Variants in KNDC1 observed in about 807,000 individuals in gnomAD.
KNDC1 encodes the protein kinase non-catalytic C-lobe domain containing 1.
In KNDC1, 106 loss-of-function variants were observed where a neutral mutation model predicts 172.8. That is an observed-to-expected ratio of 0.61 (90% CI 0.52 to 0.72). KNDC1 has a LOEUF of 0.72. KNDC1 is among the 30% of genes least tolerant of loss of function. The probability of loss-of-function intolerance (pLI) is 0.00; values close to 1 mark genes in which losing one functional copy is unlikely to be tolerated. For synonymous variants in KNDC1, 1,083 were observed against 1,062.2 expected, an observed-to-expected ratio of 1.02 and a Z score of -0.38; for missense variants, 2,325 against 2,394.5, an observed-to-expected ratio of 0.97 and a Z score of 0.61.
At chr10:133,166,659 G>A (rs183539249) in intron 1 of KNDC1, among the ~76,000 whole-genome samples, 35 of 152,228 alleles carry the variant, frequency 2.3e-4, no homozygotes, top group East Asian at 5.8e-4. Context: ...CTGTGTTGGC[G>A]TGTGTCCATG....
intron 21 of KNDC1, 148 bp from the exon 22 acceptor site, chr10:133,211,274 C>A: frequency 2.9e-6 from 2 of 682,950 alleles, no homozygotes; most frequent in Non-Finnish European, 4.7e-6. Context: ...GGGGGAGGGA[C>A]CCACGGAAGA....
In KNDC1 at chr10:133,167,483, G is replaced by A. The variant is rs778646842; in HGVS notation, c.205G>A (p.Val69Met). ...GGAGTGCAGCCTGTCCATGCGGAGC[G>A]TGGCCCACGCCGCCATCTTCCAGAG... Reference protein sequence around the residue: ...CLECSLSMRSVAHAAIFQSLC... With the variant: ...CLECSLSMRSMAHAAIFQSLC... The change falls in exon 2 of 30, where the codon GTG becomes ATG. Residue 69 changes from valine to methionine, a missense_variant. By Grantham distance (21) the Val-to-Met change is conservative. Coordinates refer to ENST00000304613, the MANE Select transcript of KNDC1 (RefSeq NM_152643.8). 8 of 1,606,260 alleles carry A rather than the reference G, an allele frequency of 5.0e-6. No individual in the cohort carries two copies. The highest frequency in any genetic ancestry group is 1.7e-5 in the Admixed American group (1 of 59,156).
chr10:133,161,747 G>A (rs1391857243), intron 1 of KNDC1, among the ~76,000 whole-genome samples: 1 of 152,120 alleles, frequency 6.6e-6, no homozygotes, highest in South Asian at 2.1e-4. Context: ...GAGAGGGAGG[G>A]GCAGCCCGCA....
intron 17 of KNDC1, among the ~76,000 whole-genome samples, chr10:133,203,252 G>C (rs1854430916): frequency 6.9e-6 from 1 of 144,088 alleles, no homozygotes; most frequent in African/African-American, 2.6e-5. Flanking sequence ...CAAACGCACA[G>C]AGTCCAGCGG....
chr10:133,205,008 C>CCACCACCCTCCTCACCCCCAGACT (rs1845147632), intron 17 of KNDC1, among the ~76,000 whole-genome samples: 1 of 144,596 alleles, frequency 6.9e-6, no homozygotes, highest in Non-Finnish European at 1.5e-5. Flanking sequence ...CACCCCAGAA[C>CCACCACCCTCCTCACCCCCAGACT]CACCACCCTC....
At chr10:133,169,903 G>A (rs902168986) in intron 3 of KNDC1, among the ~76,000 whole-genome samples, 3 of 152,246 alleles carry the variant, frequency 2.0e-5, no homozygotes, top group Non-Finnish European at 2.9e-5. Context: ...CTACTCCGTG[G>A]TTCCCCCGTG....
chr10:133,208,023 A>G (rs1359869066), intron 20 of KNDC1, among the ~76,000 whole-genome samples: 1 of 152,184 alleles, frequency 6.6e-6, no homozygotes, highest in Admixed American at 6.5e-5. Context: ...GCTCCCAGAG[A>G]GGCCACCCTG....
In KNDC1 at chr10:133,167,426, C is replaced by G. The variant is rs768324975; in HGVS notation, c.148C>G (p.Leu50Val). ...CATCCTCTCCCTGCGGGACCGCGGC[C>G]TCAGCGAGCAGGAAGCCTGGGCCGT... is the stretch of plus-strand genomic sequence containing the variant. ...ADILSLRDRGLSEQEAWAVCL... is the reference protein window; with the variant it reads ...ADILSLRDRGVSEQEAWAVCL... Residue 50 changes from leucine (L) to valine (V), a missense_variant, in exon 2 of 30, where the codon CTC becomes GTC. Transcript: ENST00000304613. The G allele has an allele frequency of 4.4e-6, 7 of 1,604,696 alleles. No homozygotes were observed. Among genetic ancestry groups the G allele is most frequent in the Non-Finnish European group, 5.9e-6 (7 of 1,177,020 alleles).
At chr10:133,161,773 C>G (rs1377016370) in intron 1 of KNDC1, among the ~76,000 whole-genome samples, 2 of 152,124 alleles carry the variant, frequency 1.3e-5, no homozygotes, top group African/African-American at 4.8e-5. Flanking sequence ...CAGAAACGCC[C>G]CAGGACACAT....
chr10:133,224,329 C>G lies in KNDC1; in HGVS notation c.5019-330C>G, dbSNP rs562678079. Among the ~76,000 whole-genome samples, 1 of 152,298 alleles carries G rather than the reference C, an allele frequency of 6.6e-6. No homozygotes were observed. Among genetic ancestry groups the G allele is most frequent in the East Asian group, 1.9e-4 (1 of 5,166 alleles). On this transcript the variant is annotated intron_variant, in intron 29 of 29. Coordinates refer to ENST00000304613, the MANE Select transcript of KNDC1 (RefSeq NM_152643.8). The surrounding 1 kb of genome is among the most constrained non-coding windows in gnomAD (Gnocchi z 5.4). The stretch of plus-strand genomic sequence containing the variant: ...ACGCTCTGCACGGCAGCAGAGAGTC[C>G]CTTGCCTGCCTCGTCCTCTCAGCTG...
chr10:133,186,402 C>A lies in KNDC1; in HGVS notation c.1054C>A (p.Leu352Ile), dbSNP rs371220298. The A allele has an allele frequency of 1.2e-6, 2 of 1,612,642 alleles. No individual in the cohort carries two copies. The highest frequency in any genetic ancestry group is 2.7e-5 in the African/African-American group (2 of 74,936). ...RKAFLDRKNGLSSFQAQPKCR... is the reference protein window; with the variant it reads ...RKAFLDRKNGISSFQAQPKCR... ...GGCCTTTCTGGACAGGAAAAATGGC[C>A]TTTCTAGCTTCCAGGCTCAGCCCAA... Residue 352 changes from leucine to isoleucine, a missense_variant, in exon 6 of 30, where the codon CTT becomes ATT. Transcript: ENST00000304613.
chr10:133,200,174 G>A (rs534310192), intron 15 of KNDC1, among the ~76,000 whole-genome samples: 1 of 152,182 alleles, frequency 6.6e-6, no homozygotes, highest in South Asian at 2.1e-4. Context: ...CTGCTCCCGA[G>A]TCCCCCCAGG....
intron 15 of KNDC1, 129 bp from the exon 16 acceptor site, chr10:133,200,246 G>C (rs1340689771): frequency 8.4e-6 from 5 of 595,126 alleles, no homozygotes; most frequent in Non-Finnish European, 1.4e-5. Context: ...GTGACTGAGA[G>C]GGGTGAGCTC....
rs548047795 is a variant in KNDC1, at chr10:133,213,784, G to C, written c.4526+57G>C. ...TGGTGGAGGGTCTCGGGGGCTTCCC[G>C]TAAGAGTCTTGTGGACGCTCCTGAC... On this transcript the variant is annotated intron_variant, in intron 25 of 29. Coordinates refer to ENST00000304613, the MANE Select transcript of KNDC1 (RefSeq NM_152643.8). 21 of 1,541,410 alleles carry C rather than the reference G, an allele frequency of 1.4e-5. No individual in the cohort carries two copies. In the African/African-American group the frequency reaches 2.6e-4, roughly 19 times the overall value.
In KNDC1 at chr10:133,186,620, C is replaced by T. The variant is rs367788279; in HGVS notation, c.1272C>T (p.Asp424=). The change falls in exon 6 of 30, where the codon GAC becomes GAT. Residue 424 remains aspartate, a synonymous_variant. Transcript: ENST00000304613. Reference sequence around the variant, plus strand: ...GCGGTGAAGCCCAGACTCCCAGGGACGATGAGAGAATTCCAGAAGGAGCTA... The same window carrying T: ...GCGGTGAAGCCCAGACTCCCAGGGATGATGAGAGAATTCCAGAAGGAGCTA... ...DASGEAQTPR[D]DERIPEGARQ... 99 of 1,596,698 alleles carry T rather than the reference C, an allele frequency of 6.2e-5. No homozygotes were observed. The highest frequency in any genetic ancestry group is 2.3e-4 in the African/African-American group (17 of 74,724).
In KNDC1 at chr10:133,225,727, C is replaced by A. The variant is rs1464759479; in HGVS notation, c.*837C>A. The A allele has an allele frequency of 1.3e-5, 2 of 153,242 alleles. No individual in the cohort carries two copies. The highest frequency in any genetic ancestry group is 3.8e-4 in the East Asian group (2 of 5,238). 9.5% of individuals were successfully genotyped at this position (153,242 alleles called of 1,614,324 possible). Reference sequence around the variant, plus strand: ...TGCCCCAGGGACCGCCACTGCCCACCGCCTCCAGCAGCCATGCATGTGCGC... The same window carrying A: ...TGCCCCAGGGACCGCCACTGCCCACAGCCTCCAGCAGCCATGCATGTGCGC... On this transcript the variant is annotated 3_prime_UTR_variant, in exon 30 of 30. Coordinates refer to ENST00000304613, the MANE Select transcript of KNDC1 (RefSeq NM_152643.8).
chr10:133,212,910 G>C lies in KNDC1; in HGVS notation c.4431G>C (p.Thr1477=), dbSNP rs747518684. 1.9e-6 allele frequency: 3 copies of C among 1,611,784 alleles called. No individual in the cohort carries two copies. The Admixed American group carries it at 5.0e-5, about 27-fold the overall frequency. The part of the protein sequence containing the change: ...YSTHQLFSQL[T]LLQQELFQKC... Reference sequence around the variant, plus strand: ...CTCACCAGCTCTTCAGCCAGCTCACGCTGCTACAGCAGGTGAGGAGGGCGA... The same window carrying C: ...CTCACCAGCTCTTCAGCCAGCTCACCCTGCTACAGCAGGTGAGGAGGGCGA... Residue 1477 remains threonine, a synonymous_variant, in exon 24 of 30, where the codon ACG becomes ACC. Transcript: ENST00000304613.
intron 1 of KNDC1, among the ~76,000 whole-genome samples, chr10:133,166,949 A>G (rs540428830): frequency 6.6e-6 from 1 of 152,322 alleles, no homozygotes; most frequent in South Asian, 2.1e-4. Context: ...TGTGAGTGTC[A>G]GGATCACGCC....
intron 1 of KNDC1, among the ~76,000 whole-genome samples, chr10:133,161,748 G>A (rs928307010): frequency 1.3e-5 from 2 of 152,122 alleles, no homozygotes; most frequent in African/African-American, 4.8e-5. Context: ...AGAGGGAGGG[G>A]CAGCCCGCAG....
Sources: gnomAD v4.1 joint callset for allele counts (sites outside exome capture counted in the v4.1 genomes callset) on GRCh38, gnomAD v4.1.1 for gene constraint, Gnocchi (gnomAD v3.1) non-coding constraint, MANE v1.5 for transcripts, NCBI Gene and HGNC (gene_info 2026-07-23, HGNC 2026-07-21) for gene names.